The following PTPRN2 variants were observed in gnomAD, a reference collection of about 807,000 sequenced individuals.
The protein encoded by PTPRN2 is receptor-type tyrosine-protein phosphatase N2.
PTPRN2 carries 74 observed loss-of-function variants against 118.8 expected under a neutral mutation model. That is an observed-to-expected ratio of 0.62 (90% CI 0.52 to 0.76). PTPRN2 has a LOEUF of 0.76. Ranked by LOEUF, PTPRN2 falls within the 30% of genes least tolerant of loss-of-function variation. PTPRN2 has a pLI of 0.00. For missense variants in PTPRN2, 1,481 were observed against 1,394.4 expected (o/e 1.06, Z -0.99); for synonymous variants, 641 against 608.0 (o/e 1.05, Z -0.80).
chr7:158,216,026 CTT>C (rs1444387739), intron 3 of PTPRN2, among the ~76,000 whole-genome samples: 1 of 152,028 alleles, frequency 6.6e-6, no homozygotes, highest in African/African-American at 2.4e-5. Context: ...ATACTACTGT[CTT>C]ATGTCATTTT....
At chr7:157,758,409 G>T (rs1801933520) in intron 12 of PTPRN2, among the ~76,000 whole-genome samples, 1 of 152,214 alleles carries the variant, frequency 6.6e-6, no homozygotes, top group African/African-American at 2.4e-5. Context: ...CAGAGGCGAG[G>T]TAGGTGGCAC....
chr7:158,293,296 G>A (rs936529540), intron 3 of PTPRN2, among the ~76,000 whole-genome samples: 9 of 151,926 alleles, frequency 5.9e-5, no homozygotes, highest in African/African-American at 2.2e-4. Context: ...GTAACTTTGG[G>A]CTGGGCACGG....
chr7:157,910,181 T>C (rs764668814), intron 11 of PTPRN2, among the ~76,000 whole-genome samples: 22 of 151,306 alleles, frequency 1.5e-4, no homozygotes, highest in African/African-American at 4.8e-4. Context: ...GGATCACGCA[T>C]GTACGCCGTG....
At chr7:157,666,207 T>G (rs1796130312) in intron 13 of PTPRN2, among the ~76,000 whole-genome samples, 1 of 152,088 alleles carries the variant, frequency 6.6e-6, no homozygotes, top group South Asian at 2.1e-4. Flanking sequence ...CTGCCTTGCA[T>G]TTTTGGAATG....
chr7:157,767,620 T>G (rs1802563227), intron 12 of PTPRN2, among the ~76,000 whole-genome samples: 1 of 152,234 alleles, frequency 6.6e-6, no homozygotes, highest in Non-Finnish European at 1.5e-5. Context: ...GACCGCTCTT[T>G]CACTGCCAGG....
chr7:158,104,446 A>G (rs1273044122), intron 10 of PTPRN2, among the ~76,000 whole-genome samples: 1 of 152,186 alleles, frequency 6.6e-6, no homozygotes. Context: ...GTAAGACACC[A>G]AGATCAGCAG....
At chr7:157,577,316 A>C (rs1414230445) in intron 18 of PTPRN2, among the ~76,000 whole-genome samples, 1 of 152,190 alleles carries the variant, frequency 6.6e-6, no homozygotes, top group Non-Finnish European at 1.5e-5. Context: ...CCAAGGCCAC[A>C]GCTGTGTGGT....
At chr7:157,970,486 A>G (rs918230499) in intron 11 of PTPRN2, among the ~76,000 whole-genome samples, 1 of 152,224 alleles carries the variant, frequency 6.6e-6, no homozygotes, top group Non-Finnish European at 1.5e-5. Flanking sequence ...AGAGCAGAGC[A>G]GGGAGTGAAG....
At chr7:157,970,170 C>A (rs1049604483) in intron 11 of PTPRN2, among the ~76,000 whole-genome samples, 4 of 152,192 alleles carry the variant, frequency 2.6e-5, no homozygotes, top group African/African-American at 9.7e-5. Flanking sequence ...ACTGGGGCCA[C>A]ACTGTTGGAA....
chr7:158,363,692 T>C (rs1342373942), intron 2 of PTPRN2, among the ~76,000 whole-genome samples: 1 of 152,008 alleles, frequency 6.6e-6, no homozygotes, highest in African/African-American at 2.4e-5. Context: ...CCCAGGGCGC[T>C]CGGCCCCCAG....
In PTPRN2 at chr7:158,167,307, G is replaced by T; in HGVS notation, c.550-16C>A. 1 of 1,563,336 alleles carries T rather than the reference G, an allele frequency of 6.4e-7. No individual in the cohort carries two copies. Among genetic ancestry groups the T allele is most frequent in the Non-Finnish European group, 8.7e-7 (1 of 1,155,518 alleles). ...GGTCATCACCCTGAAGGAAAGGAGA[G>T]CAAAACAGAGCAAGAGTCACATTTC... On this transcript the variant is annotated splice_polypyrimidine_tract_variant and intron_variant, in intron 5 of 22. Coordinates refer to ENST00000389418, the MANE Select transcript of PTPRN2 (RefSeq NM_002847.5).
chr7:157,912,603 A>G (rs2128762949), intron 11 of PTPRN2, among the ~76,000 whole-genome samples: 1 of 152,326 alleles, frequency 6.6e-6, no homozygotes, highest in African/African-American at 2.4e-5. Context: ...CTATATAAAG[A>G]TACAACTCTG....
Position 157,929,260 on chromosome 7 carries a change from C to T in PTPRN2, c.1724-30523G>A, listed in dbSNP as rs973478037. On this transcript the variant is annotated intron_variant, in intron 11 of 22. Coordinates refer to ENST00000389418, the MANE Select transcript of PTPRN2 (RefSeq NM_002847.5). This position sits in a 1 kb window ranked among gnomAD's most constrained non-coding sequence, Gnocchi z 4.4. ...CCACAGCCCCTCTTCCCCAGTACGC[C>T]GTGGCAGCCTGCCATCCGCTCTCTG... 6.6e-6 allele frequency among the ~76,000 whole-genome samples: 1 copy of T among 152,154 alleles called. No homozygotes were observed. The highest frequency in any genetic ancestry group is 1.5e-5 in the Non-Finnish European group (1 of 68,036).
chr7:157,887,218 A>T (rs1307830092), intron 12 of PTPRN2, among the ~76,000 whole-genome samples: 1 of 152,126 alleles, frequency 6.6e-6, no homozygotes. Flanking sequence ...GGCTGGGCTG[A>T]TGCAAATATT....
chr7:157,910,768 C>T (rs1226472481), intron 11 of PTPRN2, among the ~76,000 whole-genome samples: 3 of 152,248 alleles, frequency 2.0e-5, no homozygotes, highest in African/African-American at 2.4e-5. Context: ...AGACAGAGCA[C>T]GTTCCTGTAA....
chr7:158,376,873 A>G (rs1473257806), intron 2 of PTPRN2, among the ~76,000 whole-genome samples: 4 of 74,890 alleles, frequency 5.3e-5, no homozygotes, highest in African/African-American at 2.5e-4. Context: ...GCCCTGTCAC[A>G]CGTCCTGAGA....
intron 3 of PTPRN2, among the ~76,000 whole-genome samples, chr7:158,271,860 C>A (rs1421294003): frequency 6.6e-6 from 1 of 152,098 alleles, no homozygotes; most frequent in African/African-American, 2.4e-5. Flanking sequence ...GGCCTCAGCG[C>A]CTTGCAAAGG....
chr7:158,003,413 CAA>C lies in PTPRN2; in HGVS notation c.1723+77883_1723+77884del, dbSNP rs11352464. On this transcript the variant is annotated intron_variant, in intron 11 of 22. Transcript: ENST00000389418. This position sits in a 1 kb window ranked among gnomAD's most constrained non-coding sequence, Gnocchi z 5.0. The stretch of plus-strand genomic sequence containing the variant: ...TGGGAGACACAGCGAGACTCCGTCT[CAA>C]AAAAAAAAAAAAAAAAAAATGAGGT... Among the ~76,000 whole-genome samples, 5,477 of 87,438 alleles carry C rather than the reference CAA, an allele frequency of 0.063. 100 individuals are homozygous for C. Among genetic ancestry groups the C allele is most frequent in the African/African-American group, 0.093 (2,072 of 22,328 alleles). 57.4% of individuals were successfully genotyped at this position (87,438 alleles called of 152,430 possible).
intron 2 of PTPRN2, among the ~76,000 whole-genome samples, chr7:158,342,026 C>T (rs370119664): frequency 0.098 from 14,140 of 144,130 alleles, 79 homozygotes; most frequent in Non-Finnish European, 0.15. Context: ...CACACCCACA[C>T]TCTCACCATA....
Sources: allele counts gnomAD v4.1 joint callset (sites outside exome capture counted in the v4.1 genomes callset), GRCh38; gene constraint gnomAD v4.1.1; non-coding constraint Gnocchi (gnomAD v3.1); transcripts MANE v1.5; gene names NCBI Gene and HGNC (gene_info 2026-07-23, HGNC 2026-07-21).